The following LGSN variants were observed in gnomAD, a reference collection of about 807,000 sequenced individuals.
LGSN encodes lengsin.
Under a neutral mutation model 19.5 loss-of-function variants are expected in LGSN, and 21 were observed. The observed-to-expected ratio is 1.07, with a 90% CI of 0.76 to 1.55. The LOEUF is 1.55. Ranked by LOEUF, LGSN falls within the 40% of genes most tolerant of loss-of-function variation. The pLI is 0.00. For synonymous variants in LGSN, 257 were observed against 215.6 expected (o/e 1.19, Z -1.68); for missense variants, 673 against 608.5 (o/e 1.11, Z -1.12).
At chr6:63,349,167 T>C in the LGSN span, among the ~76,000 whole-genome samples, 4 of 152,222 alleles carry the variant, frequency 2.6e-5, no homozygotes, top group Non-Finnish European at 4.4e-5. Context: ...TTACATGCCA[T>C]AGGCTGCCCT....
chr6:63,276,058 GA>G lies in LGSN; in HGVS notation c.*3962del, dbSNP rs1326299471. 6.6e-6 allele frequency: 1 copy of G among 152,182 alleles called. No homozygotes were observed. The highest frequency in any genetic ancestry group is 2.4e-5 in the African/African-American group (1 of 41,444). 9.4% of individuals were successfully genotyped at this position (152,182 alleles called of 1,614,324 possible). On this transcript the variant is annotated 3_prime_UTR_variant, in exon 4 of 4. Transcript: ENST00000370657. ...GCAGCATGAGAAGAGCTTTAACAGG[GA>G]AGGCACTGTGCACATAGGTAATGTT...
chr6:63,400,765 G>T, the LGSN span, among the ~76,000 whole-genome samples: 1 of 152,178 alleles, frequency 6.6e-6, no homozygotes, highest in Admixed American at 6.5e-5. Flanking sequence ...AGACTGAAGC[G>T]GGTGGATCAC....
At chr6:63,369,300 G>T in the LGSN span, among the ~76,000 whole-genome samples, 2 of 152,118 alleles carry the variant, frequency 1.3e-5, no homozygotes, top group African/African-American at 4.8e-5. Flanking sequence ...TTTCTACATT[G>T]GCTTGAACAC....
chr6:63,410,113 G>A, the LGSN span, among the ~76,000 whole-genome samples: 1 of 152,110 alleles, frequency 6.6e-6, no homozygotes. Flanking sequence ...ATATGGCTAT[G>A]AAGATATGAC....
the LGSN span, among the ~76,000 whole-genome samples, chr6:63,520,676 G>A: frequency 2.2e-5 from 3 of 138,888 alleles, no homozygotes; most frequent in East Asian, 4.1e-4. Flanking sequence ...TAAATAAAAT[G>A]AAAATAGATA....
the LGSN span, among the ~76,000 whole-genome samples, chr6:63,522,368 T>C: frequency 9.9e-5 from 15 of 152,222 alleles, no homozygotes; most frequent in Non-Finnish European, 2.1e-4. Context: ...AAAAACATTC[T>C]AGTTAAACAG....
At chr6:63,468,196 T>C in the LGSN span, among the ~76,000 whole-genome samples, 1 of 152,118 alleles carries the variant, frequency 6.6e-6, no homozygotes, top group Admixed American at 6.6e-5. Context: ...AATGGTGCAA[T>C]CTTGGCTTAC....
At chr6:63,569,967 T>C in the LGSN span, among the ~76,000 whole-genome samples, 1 of 152,204 alleles carries the variant, frequency 6.6e-6, no homozygotes, top group African/African-American at 2.4e-5. Flanking sequence ...AGCTTAAAAG[T>C]ATTAAACTAA....
chr6:63,339,867 A>G, the LGSN span, among the ~76,000 whole-genome samples: 3 of 151,668 alleles, frequency 2.0e-5, no homozygotes, highest in Non-Finnish European at 4.4e-5. Context: ...TTATATTCTC[A>G]TGTGTTTTCA....
the LGSN span, among the ~76,000 whole-genome samples, chr6:63,412,404 A>G: frequency 1.9e-4 from 25 of 134,430 alleles, no homozygotes; most frequent in African/African-American, 8.2e-4. Flanking sequence ...AGAAGGAAAG[A>G]AAGAAAGAAA....
the LGSN span, among the ~76,000 whole-genome samples, chr6:63,382,958 A>G: frequency 0.11 from 16,478 of 152,214 alleles, 1,863 homozygotes; most frequent in African/African-American, 0.29. Flanking sequence ...GGGATTATCT[A>G]GCTCAATGAT....
chr6:63,549,416 A>G, the LGSN span: 4 of 751,494 alleles, frequency 5.3e-6, no homozygotes, highest in Non-Finnish European at 9.7e-6. Context: ...CGTTTCTCAA[A>G]CAGGGGATTC....
chr6:63,328,330 T>C, the LGSN span, among the ~76,000 whole-genome samples: 1 of 152,218 alleles, frequency 6.6e-6, no homozygotes, highest in Admixed American at 6.5e-5. Flanking sequence ...CATGCTCGAT[T>C]GGTTCCCCAT....
At chr6:63,549,087 T>C in the LGSN span, 1 of 711,166 alleles carries the variant, frequency 1.4e-6, no homozygotes, top group South Asian at 1.5e-5. Context: ...GGTGATGGTG[T>C]TAACTCCTGC....
chr6:63,325,993 GTT>G, the LGSN span, among the ~76,000 whole-genome samples: 1 of 152,254 alleles, frequency 6.6e-6, no homozygotes, highest in Non-Finnish European at 1.5e-5. Context: ...CGAGTGGTCT[GTT>G]TTGACAGGGC....
chr6:63,310,282 G>T (rs2127394524), intron 1 of LGSN, among the ~76,000 whole-genome samples: 1 of 152,208 alleles, frequency 6.6e-6, no homozygotes, highest in South Asian at 2.1e-4. Flanking sequence ...CTTATTTGGG[G>T]ACAGAAGGGC....
chr6:63,513,054 G>A, the LGSN span, among the ~76,000 whole-genome samples: 2 of 152,294 alleles, frequency 1.3e-5, no homozygotes, highest in South Asian at 2.1e-4. Context: ...TTAGAGGGAG[G>A]CAATCCCTAG....
the LGSN span, among the ~76,000 whole-genome samples, chr6:63,434,087 A>G: frequency 6.6e-6 from 1 of 152,220 alleles, no homozygotes; most frequent in Non-Finnish European, 1.5e-5. Flanking sequence ...AAGGTCAGAG[A>G]GAGTTACTAG....
chr6:63,443,532 G>A, the LGSN span: 1 of 765,452 alleles, frequency 1.3e-6, no homozygotes, highest in African/African-American at 1.9e-5. Flanking sequence ...TGACAATGTG[G>A]TCCAGGGTCT....
Sources: allele counts gnomAD v4.1 joint callset (sites outside exome capture counted in the v4.1 genomes callset), GRCh38; gene constraint gnomAD v4.1.1; transcripts MANE v1.5; gene names NCBI Gene and HGNC (gene_info 2026-07-23, HGNC 2026-07-21).